ERBB4: variants seen among roughly 807,000 people sequenced by gnomAD.
The protein encoded by ERBB4 is receptor tyrosine-protein kinase erbB-4.
A neutral mutation model predicts 158.0 loss-of-function variants in ERBB4; 42 were observed. The ratio of observed to expected loss-of-function variants is 0.27; its 90% confidence interval spans 0.21 to 0.34. ERBB4 has a LOEUF of 0.34. Among genes scored for constraint, ERBB4 ranks in the 10% least tolerant of loss-of-function variants. The pLI is 1.00. For missense variants in ERBB4, 1,333 were observed against 1,624.1 expected, an observed-to-expected ratio of 0.82 and a Z score of 3.08; for synonymous variants, 583 against 558.7, an observed-to-expected ratio of 1.04 and a Z score of -0.61.
intron 4 of ERBB4, among the ~76,000 whole-genome samples, chr2:211,764,638 T>A (rs113933137): frequency 5.3e-5 from 8 of 152,240 alleles, no homozygotes; most frequent in African/African-American, 1.7e-4. Flanking sequence ...TAAGCCTGGG[T>A]CTGGAGCCTA....
Position 211,865,619 on chromosome 2 carries a change from C to A in ERBB4, c.422-77460G>T, listed in dbSNP as rs2078184931. On this transcript the variant is annotated intron_variant, in intron 3 of 27. Coordinates refer to ENST00000342788, the MANE Select transcript of ERBB4 (RefSeq NM_005235.3). ...TCTCTCGCCTCAGCCTCCCAAGTAGCTGGGATTTTCTGTCTACTTGAATGT... is the reference window on the plus strand; with the variant it reads ...TCTCTCGCCTCAGCCTCCCAAGTAGATGGGATTTTCTGTCTACTTGAATGT... Among the ~76,000 whole-genome samples, 2 of 152,122 alleles carry A rather than the reference C, an allele frequency of 1.3e-5. 1 individual carries two copies. Among genetic ancestry groups the A allele is most frequent in the South Asian group, 4.2e-4 (2 of 4,816 alleles).
intron 3 of ERBB4, among the ~76,000 whole-genome samples, chr2:211,866,229 C>A (rs1400320799): frequency 1.3e-5 from 2 of 152,128 alleles, no homozygotes; most frequent in Admixed American, 6.6e-5. Context: ...CCAGCCTGGG[C>A]AACAGAGCGA....
intron 3 of ERBB4, among the ~76,000 whole-genome samples, chr2:211,861,335 T>G (rs1159342703): frequency 1.1e-4 from 8 of 73,928 alleles, no homozygotes; most frequent in South Asian, 5.3e-4. Context: ...GTGTTTTTTT[T>G]TTTGTTTTTT....
At chr2:211,669,972 T>C (rs1016412838) in intron 14 of ERBB4, among the ~76,000 whole-genome samples, 1 of 152,200 alleles carries the variant, frequency 6.6e-6, no homozygotes, top group African/African-American at 2.4e-5. Flanking sequence ...TAAACATAAG[T>C]ATATATCAGT....
At chr2:211,657,550 C>T (rs1024961664) in intron 16 of ERBB4, 11 of 575,226 alleles carry the variant, frequency 1.9e-5, no homozygotes, top group Non-Finnish European at 3.4e-5. Flanking sequence ...CTAACTGGGA[C>T]TCTTGTATCA....
chr2:211,667,095 CA>C (rs5838274), intron 14 of ERBB4, among the ~76,000 whole-genome samples: 33,197 of 141,012 alleles, frequency 0.24, 5,376 homozygotes, highest in African/African-American at 0.48. Flanking sequence ...CCTGATGAGC[CA>C]AAAAAAAAAA....
intron 3 of ERBB4, among the ~76,000 whole-genome samples, chr2:211,810,726 G>A (rs2076733575): frequency 7.5e-6 from 1 of 132,950 alleles, no homozygotes; most frequent in Admixed American, 9.3e-5. Flanking sequence ...ACTGCGGACT[G>A]CAGTGGCGCA....
chr2:212,471,669 C>A (rs1285033685), intron 1 of ERBB4, among the ~76,000 whole-genome samples: 2 of 151,860 alleles, frequency 1.3e-5, no homozygotes, highest in East Asian at 3.8e-4. Context: ...TAAAAATAAT[C>A]TATTCCTTTT....
At chr2:211,704,536 T>TAA (rs920070229) in intron 10 of ERBB4, among the ~76,000 whole-genome samples, 1 of 152,208 alleles carries the variant, frequency 6.6e-6, no homozygotes, top group African/African-American at 2.4e-5. Flanking sequence ...GTCACCCTTG[T>TAA]ATTCTAAGAC....
At chr2:212,112,609 C>T (rs1478235202) in intron 2 of ERBB4, among the ~76,000 whole-genome samples, 1 of 152,072 alleles carries the variant, frequency 6.6e-6, no homozygotes, top group African/African-American at 2.4e-5. Context: ...GCTCACTTTG[C>T]CCATTAGCTC....
intron 3 of ERBB4, among the ~76,000 whole-genome samples, chr2:211,821,444 T>C (rs1304208218): frequency 6.6e-6 from 1 of 151,824 alleles, no homozygotes; most frequent in Non-Finnish European, 1.5e-5. Context: ...GACCATACTA[T>C]CTAAAGCAAT....
intron 2 of ERBB4, 184 bp downstream of exon 2, chr2:212,124,567 AT>A (rs1400120500): frequency 1.6e-6 from 1 of 639,850 alleles, no homozygotes; most frequent in African/African-American, 1.8e-5. Context: ...AGCGTCAGTC[AT>A]TATGGCTTTG....
chr2:212,034,687 T>C (rs1166043760), intron 2 of ERBB4, among the ~76,000 whole-genome samples: 4 of 152,156 alleles, frequency 2.6e-5, no homozygotes, highest in Non-Finnish European at 5.9e-5. Context: ...AGCTTTAGTT[T>C]AACAAATGTT....
intron 1 of ERBB4, among the ~76,000 whole-genome samples, chr2:212,402,638 C>T (rs1452680802): frequency 1.3e-5 from 2 of 151,968 alleles, no homozygotes; most frequent in Non-Finnish European, 2.9e-5. Context: ...TTATTTATTA[C>T]AACTGCATGT....
intron 1 of ERBB4, among the ~76,000 whole-genome samples, chr2:212,477,609 T>C (rs1358954770): frequency 6.6e-6 from 1 of 152,172 alleles, no homozygotes; most frequent in Non-Finnish European, 1.5e-5. Flanking sequence ...AAACATGTTT[T>C]TAAAAGCAAT....
intron 7 of ERBB4, among the ~76,000 whole-genome samples, chr2:211,721,094 TGA>T (rs1294156063): frequency 6.6e-6 from 1 of 152,160 alleles, no homozygotes; most frequent in African/African-American, 2.4e-5. Context: ...CGAAAGGGGC[TGA>T]GAGTGTGTGT....
chr2:211,755,987 C>T (rs1010293172), intron 4 of ERBB4, among the ~76,000 whole-genome samples: 3 of 152,188 alleles, frequency 2.0e-5, no homozygotes, highest in Admixed American at 1.3e-4. Flanking sequence ...CTTAAAACTA[C>T]TTTTACTAGA....
intron 20 of ERBB4, among the ~76,000 whole-genome samples, chr2:211,497,856 A>C (rs949861043): frequency 2.0e-5 from 3 of 152,160 alleles, no homozygotes; most frequent in African/African-American, 7.2e-5. Context: ...AAAGTTGCTT[A>C]ATTTTTCACA....
chr2:211,377,697 T>C lies in ERBB4; in HGVS notation c.*5918A>G, dbSNP rs1320707885. ...ACGATTAGGAACCAAATAAGATGAA[T>C]AAAGCAAATAAGTTAATTTACTGGC... On this transcript the variant is annotated 3_prime_UTR_variant, in exon 28 of 28. Coordinates refer to ENST00000342788, the MANE Select transcript of ERBB4 (RefSeq NM_005235.3). 8.6e-6 allele frequency: 2 copies of C among 232,462 alleles called. No individual in the cohort carries two copies. The highest frequency in any genetic ancestry group is 2.2e-5 in the African/African-American group (1 of 45,424). The allele number at this position is 232,462 out of a possible 1,614,324, so 14.4% of individuals were successfully genotyped here.
Sources: gnomAD v4.1 joint callset for allele counts (sites outside exome capture counted in the v4.1 genomes callset) on GRCh38, gnomAD v4.1.1 for gene constraint, MANE v1.5 for transcripts, NCBI Gene and HGNC (gene_info 2026-07-23, HGNC 2026-07-21) for gene names.